CAMSAP3: variants seen among roughly 807,000 people sequenced by gnomAD.
The protein encoded by CAMSAP3 is calmodulin-regulated spectrin-associated protein 3.
Under a neutral mutation model 112.5 loss-of-function variants are expected in CAMSAP3, and 34 were observed. The observed-to-expected ratio is 0.30, with a 90% CI of 0.23 to 0.40. The LOEUF (loss-of-function observed/expected upper bound fraction) is 0.40, where lower values mean the gene tolerates loss of function less well. Ranked by LOEUF, CAMSAP3 falls within the 10% of genes least tolerant of loss-of-function variation. CAMSAP3 has a pLI of 1.00. For missense variants in CAMSAP3, 1,602 were observed against 1,770.3 expected, an observed-to-expected ratio of 0.90 and a Z score of 1.71; for synonymous variants, 868 against 799.8, an observed-to-expected ratio of 1.09 and a Z score of -1.44.
chr19:7,614,931 C>T (rs914131443), intron 11 of CAMSAP3: 2 of 581,872 alleles, frequency 3.4e-6, no homozygotes, highest in Non-Finnish European at 6.1e-6. Flanking sequence ...GCACTCACTG[C>T]TGTCTGCTGC....
chr19:7,611,115 G>A lies in CAMSAP3; in HGVS notation c.1070G>A (p.Arg357His), dbSNP rs1170603502. 6.2e-6 allele frequency: 10 copies of A among 1,613,586 alleles called. No homozygotes were observed. The highest frequency in any genetic ancestry group is 2.7e-5 in the African/African-American group (2 of 74,890). The change falls in exon 9 of 17, where the codon CGC becomes CAC. Residue 357 changes from arginine to histidine, a missense_variant. Physicochemically the swap from Arg to His is conservative, Grantham distance 29 (BLOSUM62 0). Around this residue, in one of 6 missense-constraint regions of CAMSAP3, gnomAD observed 1,100 missense variants for 1,135.7 expected, o/e 0.97. Transcript: ENST00000160298. This position sits in a 1 kb window ranked among gnomAD's most constrained non-coding sequence, Gnocchi z 6.9. The stretch of plus-strand genomic sequence containing the variant: ...TACAGTTCTCCTGTCTTCACCTTCC[G>A]CCACCCGCTTCTGTCATCTGGTGGC... ...SGSSSPVFTFRHPLLSSGGPQ... is the reference protein window; with the variant it reads ...SGSSSPVFTFHHPLLSSGGPQ...
In CAMSAP3 at chr19:7,617,724, G is replaced by C. The variant is rs763780027; in HGVS notation, c.3445-28G>C. On this transcript the variant is annotated intron_variant, in intron 16 of 16. Transcript: ENST00000160298. This position sits in a 1 kb window ranked among gnomAD's most constrained non-coding sequence, Gnocchi z 7.5. The stretch of plus-strand genomic sequence containing the variant: ...GTGGGTGGGTGGCCTGACTTGGCCA[G>C]CTGACCATTTCCAGCACTCCTGCCC... The C allele has an allele frequency of 1.9e-6, 3 of 1,612,230 alleles. No homozygotes were observed. Among genetic ancestry groups the C allele is most frequent in the Admixed American group, 3.3e-5 (2 of 59,978 alleles).
chr19:7,610,846 C>A lies in CAMSAP3; in HGVS notation c.995-31C>A. On this transcript the variant is annotated intron_variant, in intron 7 of 16. Coordinates refer to ENST00000160298, the MANE Select transcript of CAMSAP3 (RefSeq NM_020902.2). The surrounding 1 kb of genome is among the most constrained non-coding windows in gnomAD (Gnocchi z 4.9). Reference sequence around the variant, plus strand: ...GTCGGGGGCGGGTGGGAGAGCCAAACCCCCGCCTGACCCTCTTCTCTGTAC... The same window carrying A: ...GTCGGGGGCGGGTGGGAGAGCCAAAACCCCGCCTGACCCTCTTCTCTGTAC... 1.2e-6 allele frequency: 2 copies of A among 1,609,326 alleles called. No homozygotes were observed. Among genetic ancestry groups the A allele is most frequent in the Non-Finnish European group, 1.7e-6 (2 of 1,178,952 alleles).
At position 7,615,785 on chromosome 19, in the gene CAMSAP3, A is replaced by T; in HGVS notation, c.3112+66A>T. 7.9e-5 allele frequency: 30 copies of T among 381,294 alleles called. No individual in the cohort carries two copies. The highest frequency in any genetic ancestry group is 8.5e-5 in the Non-Finnish European group (26 of 307,340). The allele number at this position is 381,294 out of a possible 1,614,324, so 23.6% of individuals were successfully genotyped here. ...CCGGGGCTCACTGGGTGAGGCCCCCATGGGTAAGGGGGGAGGGGGAGGGAG... is the reference window on the plus strand; with the variant it reads ...CCGGGGCTCACTGGGTGAGGCCCCCTTGGGTAAGGGGGGAGGGGGAGGGAG... On this transcript the variant is annotated intron_variant, in intron 13 of 16. Coordinates refer to ENST00000160298, the MANE Select transcript of CAMSAP3 (RefSeq NM_020902.2). This position sits in a 1 kb window ranked among gnomAD's most constrained non-coding sequence, Gnocchi z 6.5.
rs1308894378 is a variant in CAMSAP3, at chr19:7,605,449, G to T, written c.372G>T (p.Glu124Asp). 5.5e-6 allele frequency: 8 copies of T among 1,458,668 alleles called. No homozygotes were observed. The highest frequency in any genetic ancestry group is 7.3e-6 in the Non-Finnish European group (8 of 1,103,060). 90.4% of individuals were successfully genotyped at this position (1,458,668 alleles called of 1,614,324 possible). A position where few individuals can be genotyped will look rare whatever the true frequency, so the allele number is the denominator to read the frequency against. Residue 124 changes from glutamate (E) to aspartate (D), a missense_variant, in exon 2 of 17, where the codon GAG becomes GAT. By Grantham distance (45) the Glu-to-Asp change is conservative. This residue lies in a region of CAMSAP3 where 35 missense variants were observed against 79.8 expected (regional missense o/e 0.44). Transcript: ENST00000160298. ...CTTTGCCCGAGCGCCCGGTGCGCGA[G>T]GCCGACCTGAGGCACCAGCCCATTC... is the stretch of plus-strand genomic sequence containing the variant. ...VPALPERPVR[E>D]ADLRHQPILM...
Position 7,612,068 on chromosome 19 carries a change from C to T in CAMSAP3, c.1575C>T (p.Thr525=). The change falls in exon 11 of 17, where the codon ACC becomes ACT. Residue 525 remains threonine (T), a synonymous_variant. Transcript: ENST00000160298. ...CAGTGTACATGCCACACCCCGAGAC[C>T]CCCTCGAAACCATCTCCCTGTCTGG... ...KAPVYMPHPE[T]PSKPSPCLVG... is the part of the protein sequence containing the mutation. The T allele has an allele frequency of 6.2e-7, 1 of 1,609,604 alleles. No individual in the cohort carries two copies. The highest frequency in any genetic ancestry group is 8.5e-7 in the Non-Finnish European group (1 of 1,177,196).
chr19:7,606,921 GTGA>G, intron 4 of CAMSAP3: 1 of 1,175,142 alleles, frequency 8.5e-7, no homozygotes, highest in Non-Finnish European at 1.3e-6. Flanking sequence ...TCCCCAAGCT[GTGA>G]GCAAAGGAGG....
rs1407789843 is a variant in CAMSAP3, at chr19:7,610,461, C to T, written c.761-15C>T. On this transcript the variant is annotated splice_polypyrimidine_tract_variant and intron_variant, in intron 5 of 16. Transcript: ENST00000160298. This position sits in a 1 kb window ranked among gnomAD's most constrained non-coding sequence, Gnocchi z 4.9. Reference sequence around the variant, plus strand: ...TCCTCATAGAGTTGGGGACCCACTCCTCCTGTCCCCACAGAGGTGTGCTTG... The same window carrying T: ...TCCTCATAGAGTTGGGGACCCACTCTTCCTGTCCCCACAGAGGTGTGCTTG... 1.2e-6 allele frequency: 2 copies of T among 1,602,448 alleles called. No individual in the cohort carries two copies. The highest frequency in any genetic ancestry group is 8.5e-7 in the Non-Finnish European group (1 of 1,174,624).
In CAMSAP3 at chr19:7,606,486, G is replaced by A; in HGVS notation, c.536G>A (p.Arg179Gln). The change falls in exon 4 of 17, where the codon CGG (arginine) becomes CAG (glutamine). Residue 179 changes from arginine (R) to glutamine (Q), a missense_variant. Physicochemically the swap from Arg to Gln is conservative, Grantham distance 43. This residue lies in a region of CAMSAP3 where 112 missense variants were observed against 94.2 expected (regional missense o/e 1.19). Transcript: ENST00000160298. ...CTCCCTGCCCTCCAGACCGTCCGGCGGCTGCAGGAGAAGACCGAGCAGGAA... is the reference window on the plus strand; with the variant it reads ...CTCCCTGCCCTCCAGACCGTCCGGCAGCTGCAGGAGAAGACCGAGCAGGAA... ...LLFWVDTTVR[R>Q]LQEKTEQEAA... The A allele has an allele frequency of 1.3e-6, 2 of 1,587,116 alleles. No homozygotes were observed. The highest frequency in any genetic ancestry group is 1.7e-6 in the Non-Finnish European group (2 of 1,172,830).
At chr19:7,600,593 T>C (rs2029909045) in intron 1 of CAMSAP3, among the ~76,000 whole-genome samples, 1 of 22,314 alleles carries the variant, frequency 4.5e-5, no homozygotes, top group Non-Finnish European at 7.6e-5. Flanking sequence ...CACTCATCCA[T>C]CCACCAACCC....
Position 7,613,055 on chromosome 19 carries a change from C to T in CAMSAP3, c.2562C>T (p.Pro854=), listed in dbSNP as rs776730247. 2.5e-5 allele frequency: 39 copies of T among 1,549,366 alleles called. No homozygotes were observed. The African/African-American group carries it at 5.1e-4, about 20-fold the overall frequency. Residue 854 remains proline, a synonymous_variant, in exon 11 of 17, where the codon CCC becomes CCT. Coordinates refer to ENST00000160298, the MANE Select transcript of CAMSAP3 (RefSeq NM_020902.2). ...TCCCGCTGGGCAGCCTGGCAGATCC[C>T]GCCGCCGAGGACGAGGGAGACGGGA... ...IEIPLGSLAD[P]AAEDEGDGSP...
At chr19:7,614,139 A>G (rs572068306) in intron 11 of CAMSAP3, among the ~76,000 whole-genome samples, 26 of 150,560 alleles carry the variant, frequency 1.7e-4, no homozygotes, top group Non-Finnish European at 3.7e-4. Context: ...GGGCGCATGT[A>G]GTCCCAGCTA....
Position 7,611,703 on chromosome 19 carries a change from G to A in CAMSAP3, c.1210G>A (p.Ala404Thr). The change falls in exon 11 of 17, where the codon GCT becomes ACT. Residue 404 changes from alanine (A) to threonine (T), a missense_variant. Physicochemically the swap from Ala to Thr is moderately conservative, Grantham distance 58. Transcript: ENST00000160298. This position sits in a 1 kb window ranked among gnomAD's most constrained non-coding sequence, Gnocchi z 6.9. ...NRQLSRPLSQ[A>T]VSFSTPFGLD... ...GCCGCCCAGCCGTCCCCTCTCCCAG[G>A]CTGTGTCATTCAGCACCCCCTTTGG... is the stretch of plus-strand genomic sequence containing the variant. The A allele has an allele frequency of 1.3e-6, 2 of 1,561,504 alleles. No individual in the cohort carries two copies. The highest frequency in any genetic ancestry group is 8.7e-7 in the Non-Finnish European group (1 of 1,151,198).
Position 7,596,160 on chromosome 19 carries a change from CTCGGGGGACCGGGG to C in CAMSAP3, c.148+18_148+31del. 5 of 253,522 alleles carry C rather than the reference CTCGGGGGACCGGGG, an allele frequency of 2.0e-5. No homozygotes were observed. The highest frequency in any genetic ancestry group is 2.8e-5 in the Non-Finnish European group (5 of 180,572). 15.7% of individuals were successfully genotyped at this position (253,522 alleles called of 1,614,324 possible). ...GCGTTCGGGGGCGCAGGTACCGGGG[CTCGGGGGACCGGGG>C]TCGGGGGCGGCGGGCCGGGCGCGGC... On this transcript the variant is annotated intron_variant, in intron 1 of 16. Coordinates refer to ENST00000160298, the MANE Select transcript of CAMSAP3 (RefSeq NM_020902.2).
In CAMSAP3 at chr19:7,617,640, G is replaced by C. The variant is rs756001904; in HGVS notation, c.3423G>C (p.Pro1141=). ...GCCTGGCGGGCAAGGTGAACGAACC[G>C]CAGAAGAATCGCATTCTGGAGGTGA... ...HCCLAGKVNE[P]QKNRILEEIE... The change falls in exon 16 of 17, where the codon CCG becomes CCC. Residue 1141 remains proline (P), a synonymous_variant. Coordinates refer to ENST00000160298, the MANE Select transcript of CAMSAP3 (RefSeq NM_020902.2). This position sits in a 1 kb window ranked among gnomAD's most constrained non-coding sequence, Gnocchi z 7.5. 1 of 1,614,004 alleles carries C rather than the reference G, an allele frequency of 6.2e-7. No homozygotes were observed. Among genetic ancestry groups the C allele is most frequent in the East Asian group, 2.2e-5 (1 of 44,894 alleles).
In CAMSAP3 at chr19:7,610,464, C is replaced by T. The variant is rs779115315; in HGVS notation, c.761-12C>T. ...TCATAGAGTTGGGGACCCACTCCTC[C>T]TGTCCCCACAGAGGTGTGCTTGAAG... On this transcript the variant is annotated splice_polypyrimidine_tract_variant and intron_variant, in intron 5 of 16. Coordinates refer to ENST00000160298, the MANE Select transcript of CAMSAP3 (RefSeq NM_020902.2). This position sits in a 1 kb window ranked among gnomAD's most constrained non-coding sequence, Gnocchi z 4.9. The T allele has an allele frequency of 3.1e-6, 5 of 1,603,870 alleles. No individual in the cohort carries two copies. Among genetic ancestry groups the T allele is most frequent in the East Asian group, 2.2e-5 (1 of 44,854 alleles).
At chr19:7,616,745 G>A in intron 14 of CAMSAP3, 123 bp downstream of exon 14, 1 of 691,676 alleles carries the variant, frequency 1.4e-6, no homozygotes, top group Non-Finnish European at 2.6e-6. Context: ...ACGCCATGAA[G>A]AGATGGAGGG....
At position 7,618,127 on chromosome 19, in the gene CAMSAP3, G is replaced by C. The variant is rs927951876; in HGVS notation, c.*70G>C. On this transcript the variant is annotated 3_prime_UTR_variant, in exon 17 of 17. Transcript: ENST00000160298. ...GCCATCCCCTGGAGGACAGTCAGTC[G>C]GTATTCCTGGGTCCTGTCTGTCCCC... 2 of 1,505,136 alleles carry C rather than the reference G, an allele frequency of 1.3e-6. No homozygotes were observed. The highest frequency in any genetic ancestry group is 2.3e-5 in the East Asian group (1 of 43,722). 93.2% of individuals were successfully genotyped at this position (1,505,136 alleles called of 1,614,324 possible).
intron 11 of CAMSAP3, among the ~76,000 whole-genome samples, chr19:7,614,144 C>G (rs1433793914): frequency 6.7e-6 from 1 of 150,238 alleles, no homozygotes; most frequent in Non-Finnish European, 1.5e-5. Flanking sequence ...CATGTAGTCC[C>G]AGCTACTCAG....
Sources: allele counts gnomAD v4.1 joint callset (sites outside exome capture counted in the v4.1 genomes callset), GRCh38; gene constraint gnomAD v4.1.1; regional missense constraint gnomAD v4.1.1; non-coding constraint Gnocchi (gnomAD v3.1); transcripts MANE v1.5; gene names NCBI Gene and HGNC (gene_info 2026-07-23, HGNC 2026-07-21).